SI: variants seen among roughly 807,000 people sequenced by gnomAD.
SI encodes the protein sucrase-isomaltase.
A neutral mutation model predicts 253.3 loss-of-function variants in SI; 235 were observed. That is an observed-to-expected ratio of 0.93 (90% CI 0.83 to 1.03). The LOEUF is 1.03. Among genes scored for constraint, SI ranks in the 50% least tolerant of loss-of-function variants. The pLI is 0.00. For missense variants in SI, 2,442 were observed against 2,211.1 expected, an observed-to-expected ratio of 1.10 and a Z score of -2.09; for synonymous variants, 819 against 712.0, an observed-to-expected ratio of 1.15 and a Z score of -2.39.
intron 38 of SI, among the ~76,000 whole-genome samples, chr3:164,997,331 C>T (rs1470784624): frequency 1.3e-5 from 2 of 151,580 alleles, no homozygotes; most frequent in Non-Finnish European, 3.0e-5. Flanking sequence ...AATTTTAAGA[C>T]TAAATATAGA....
At position 164,982,276 on chromosome 3, in the gene SI, A is replaced by C; in HGVS notation, c.5382T>G (p.Asn1794Lys). The change falls in exon 47 of 48, where the codon AAT (asparagine) becomes AAG (lysine). Residue 1794 changes from asparagine to lysine, a missense_variant. Physicochemically the swap from Asn to Lys is moderately conservative, Grantham distance 94. Coordinates refer to ENST00000264382, the MANE Select transcript of SI (RefSeq NM_001041.4). ...AVTLTYNGNK[N>K]SLPFNEDTTN... ...TAGTGTCTTCATTAAAAGGAAGCGA[A>C]TTTTTATTTCCGTTATACGTTAGAG... 1 of 1,612,994 alleles carries C rather than the reference A, an allele frequency of 6.2e-7. No individual in the cohort carries two copies.
intron 40 of SI, among the ~76,000 whole-genome samples, chr3:164,995,394 A>T (rs1419393209): frequency 6.6e-6 from 1 of 151,838 alleles, no homozygotes; most frequent in East Asian, 1.9e-4. Context: ...TATTGACCTC[A>T]TTAATATGAT....
rs1425141829 is a variant in SI at position 165,032,608 on chromosome 3, T to C, written c.2650A>G (p.Thr884Ala). 1.2e-6 allele frequency: 2 copies of C among 1,609,150 alleles called. No homozygotes were observed. Among genetic ancestry groups the C allele is most frequent in the South Asian group, 1.1e-5 (1 of 90,944 alleles). ...AFQTVKILGLTDSVTEVRVAE... is the reference protein window; with the variant it reads ...AFQTVKILGLADSVTEVRVAE... ...ACTCTAACTTCTGTAACACTGTCTGTCAACCCAAGGATTTTTACAGTCTGA... is the reference window on the plus strand; with the variant it reads ...ACTCTAACTTCTGTAACACTGTCTGCCAACCCAAGGATTTTTACAGTCTGA... The change falls in exon 24 of 48, where the codon ACA (threonine) becomes GCA (alanine). Residue 884 changes from threonine to alanine, a missense_variant. Thr to Ala is a moderately conservative substitution (Grantham distance 58). Transcript: ENST00000264382.
chr3:165,064,201 C>T (rs1374975673), intron 7 of SI, among the ~76,000 whole-genome samples: 3 of 152,012 alleles, frequency 2.0e-5, no homozygotes, highest in African/African-American at 7.2e-5. Context: ...ATGATATGTA[C>T]CTTAATAAAA....
rs371082762 is a variant in SI, at chr3:165,060,010, T to A, written c.1038A>T (p.Ala346=). Residue 346 remains alanine, a synonymous_variant, in exon 10 of 48, where the codon GCA becomes GCT. Transcript: ENST00000264382. Reference sequence around the variant, plus strand: ...ATCCAAGATTCCAATATGCTGGCATTGCTGGTAGTCCAACAAGCTTAAAGT... The same window carrying A: ...ATCCAAGATTCCAATATGCTGGCATAGCTGGTAGTCCAACAAGCTTAAAGT... ...QQYQQLVGLP[A]MPAYWNLGFQ... The A allele has an allele frequency of 3.7e-6, 6 of 1,611,814 alleles. No individual in the cohort carries two copies. The African/African-American group carries it at 8.0e-5, about 22-fold the overall frequency.
intron 45 of SI, among the ~76,000 whole-genome samples, chr3:164,984,686 A>C (rs939339377): frequency 6.6e-6 from 1 of 152,158 alleles, no homozygotes; most frequent in African/African-American, 2.4e-5. Context: ...AGAATGGTTA[A>C]AATTTACTTA....
At chr3:165,027,529 G>A (rs144318613) in intron 25 of SI, among the ~76,000 whole-genome samples, 3 of 151,196 alleles carry the variant, frequency 2.0e-5, no homozygotes, top group East Asian at 1.9e-4. Flanking sequence ...CAATATCCCT[G>A]GGAACATAGA....
intron 14 of SI, 28 bp downstream of exon 14, chr3:165,049,763 A>T (rs766393522): frequency 1.6e-6 from 2 of 1,242,808 alleles, no homozygotes; most frequent in Non-Finnish European, 2.4e-6. Flanking sequence ...CAATTAAAAC[A>T]GTAATTAGAT....
At position 165,009,412 on chromosome 3, in the gene SI, T is replaced by C. The variant is rs1270897373; in HGVS notation, c.4063-17A>G. 2 of 1,387,382 alleles carry C rather than the reference T, an allele frequency of 1.4e-6. No individual in the cohort carries two copies. The highest frequency in any genetic ancestry group is 2.1e-6 in the Non-Finnish European group (2 of 973,230). 85.9% of individuals were successfully genotyped at this position (1,387,382 alleles called of 1,614,324 possible). A position where few individuals can be genotyped will look rare whatever the true frequency, so the allele number is the denominator to read the frequency against. On this transcript the variant is annotated splice_polypyrimidine_tract_variant and intron_variant, in intron 34 of 47. Transcript: ENST00000264382. Reference sequence around the variant, plus strand: ...TCTGGAAGCCTGTAAAACCAAAATTTAGGCTCACATGTGGAAAGTCTTAAG... The same window carrying C: ...TCTGGAAGCCTGTAAAACCAAAATTCAGGCTCACATGTGGAAAGTCTTAAG...
At chr3:165,069,657 ATATTTAAT>A (rs1482142043) in intron 3 of SI, among the ~76,000 whole-genome samples, 1 of 152,092 alleles carries the variant, frequency 6.6e-6, no homozygotes, top group Non-Finnish European at 1.5e-5. Flanking sequence ...TTACTAGTTC[ATATTTAAT>A]TATTTAAACT....
intron 12 of SI, 81 bp downstream of exon 12, chr3:165,058,882 A>ACACACG (rs2108247952): frequency 4.3e-6 from 5 of 1,152,978 alleles, no homozygotes; most frequent in Non-Finnish European, 5.2e-6. Context: ...ACACACACAC[A>ACACACG]CACACGCACA....
chr3:165,019,837 C>T lies in SI; in HGVS notation c.3255-67G>A, dbSNP rs543349678. On this transcript the variant is annotated intron_variant, in intron 27 of 47. Transcript: ENST00000264382. ...TGCAAAGTAGTATCACAAATAATAA[C>T]GGTAATTCTTTCTTAGATTATCTAA... 2.7e-4 allele frequency: 363 copies of T among 1,329,722 alleles called. 2 individuals carry two copies. In the East Asian group the frequency reaches 6.7e-3, roughly 24 times the overall value. The allele number at this position is 1,329,722 out of a possible 1,614,324, so 82.4% of individuals were successfully genotyped here. A position where few individuals can be genotyped will look rare whatever the true frequency, so the allele number is the denominator to read the frequency against.
chr3:165,045,848 ATTTT>A (rs74590097), intron 16 of SI, among the ~76,000 whole-genome samples: 66,326 of 120,548 alleles, frequency 0.55, 16,796 homozygotes, highest in East Asian at 0.77. Context: ...ATGTTTTTCA[ATTTT>A]TTTTTTTTTT....
intron 24 of SI, among the ~76,000 whole-genome samples, 180 bp from the exon 25 acceptor site, chr3:165,031,047 A>G (rs1456632664): frequency 6.7e-6 from 1 of 150,184 alleles, no homozygotes; most frequent in Non-Finnish European, 1.5e-5. Context: ...TACTAGAAAA[A>G]CAGAAAATAT....
At chr3:165,049,342 T>A (rs1713311663) in intron 14 of SI, 98 bp from the exon 15 acceptor site, 1 of 777,034 alleles carries the variant, frequency 1.3e-6, no homozygotes, top group Non-Finnish European at 2.2e-6. Flanking sequence ...ATTTGTGTTA[T>A]GAAATTCCAT....
intron 37 of SI, among the ~76,000 whole-genome samples, chr3:165,004,702 A>G (rs749394668): frequency 2.6e-5 from 4 of 152,206 alleles, no homozygotes; most frequent in Non-Finnish European, 5.9e-5. Context: ...ACAGAGAAAA[A>G]CTTCATATGT....
At position 164,998,621 on chromosome 3, in the gene SI, A is replaced by G; in HGVS notation, c.4459T>C (p.Tyr1487His). The G allele has an allele frequency of 6.2e-7, 1 of 1,609,724 alleles. No individual in the cohort carries two copies. Among genetic ancestry groups the G allele is most frequent in the South Asian group, 1.1e-5 (1 of 91,004 alleles). The change falls in exon 38 of 48, where the codon TAT becomes CAT. Residue 1487 changes from tyrosine (Y) to histidine (H), a missense_variant. Coordinates refer to ENST00000264382, the MANE Select transcript of SI (RefSeq NM_001041.4). ...KRGIVISRST[Y>H]PTSGRWGGHW... is the part of the protein sequence containing the mutation. ...CCTCCCCATCGTCCACTAGTAGGAT[A>G]CGTGGAACGAGAAATTACAATCCCT...
intron 27 of SI, 92 bp downstream of exon 27, chr3:165,021,137 C>T: frequency 8.8e-7 from 1 of 1,142,050 alleles, no homozygotes; most frequent in Non-Finnish European, 1.3e-6. Context: ...TGTGATGCTA[C>T]TCTAGGACAG....
At chr3:165,050,913 TTAAC>T (rs778719881) in intron 13 of SI, among the ~76,000 whole-genome samples, 7 of 152,090 alleles carry the variant, frequency 4.6e-5, no homozygotes, top group Non-Finnish European at 8.8e-5. Context: ...CACTCCTATA[TTAAC>T]TTTGCAATCA....
Sources: gnomAD v4.1 joint callset for allele counts (sites outside exome capture counted in the v4.1 genomes callset) on GRCh38, gnomAD v4.1.1 for gene constraint, MANE v1.5 for transcripts, NCBI Gene and HGNC (gene_info 2026-07-23, HGNC 2026-07-21) for gene names.